SUMO2: variants seen among roughly 807,000 people sequenced by gnomAD.
SUMO2 encodes small ubiquitin-related modifier 2.
Under a neutral mutation model 16.0 loss-of-function variants are expected in SUMO2, and 1 was observed. The observed-to-expected ratio is 0.06, with a 90% CI of 0.02 to 0.30. The LOEUF is 0.30. Among genes scored for constraint, SUMO2 ranks in the 10% least tolerant of loss-of-function variants. The pLI is 1.00. For synonymous variants in SUMO2, 36 were observed against 40.6 expected, an observed-to-expected ratio of 0.89 and a Z score of 0.43; for missense variants, 16 against 117.5, an observed-to-expected ratio of 0.14 and a Z score of 3.99.
At chr17:75,180,948 C>T (rs759006242) in intron 2 of SUMO2, 109 bp downstream of exon 2, 127 of 1,296,314 alleles carry the variant, frequency 9.8e-5, no homozygotes, top group Non-Finnish European at 1.3e-4. Flanking sequence ...AGTGCATATT[C>T]ATCCCATCAA....
intron 2 of SUMO2, among the ~76,000 whole-genome samples, chr17:75,176,046 A>C (rs542867835): frequency 4.8e-4 from 72 of 148,920 alleles, no homozygotes; most frequent in African/African-American, 1.7e-3. Context: ...AAGGAAATGA[A>C]ATTTTTTTTT....
Position 75,182,937 on chromosome 17 carries a change from G to C in SUMO2, c.-103C>G. ...ACCAGGAGCGGCAGAAGAAGGAGGC[G>C]GCAGCGGTGGACGAGGGGAGAGGGT... is the stretch of plus-strand genomic sequence containing the variant. On this transcript the variant is annotated 5_prime_UTR_variant, in exon 1 of 4. Transcript: ENST00000420826. 3.8e-6 allele frequency: 4 copies of C among 1,049,424 alleles called. No individual in the cohort carries two copies. Among genetic ancestry groups the C allele is most frequent in the Non-Finnish European group, 5.0e-6 (4 of 804,686 alleles). 65.0% of individuals were successfully genotyped at this position (1,049,424 alleles called of 1,614,324 possible). A position where few individuals can be genotyped will look rare whatever the true frequency, so the allele number is the denominator to read the frequency against.
chr17:75,174,829 C>A lies in SUMO2; in HGVS notation c.154-6G>T, dbSNP rs140186027. 6.2e-7 allele frequency: 1 copy of A among 1,611,526 alleles called. No individual in the cohort carries two copies. The highest frequency in any genetic ancestry group is 8.5e-7 in the Non-Finnish European group (1 of 1,179,030). On this transcript the variant is annotated splice_region_variant and splice_polypyrimidine_tract_variant and intron_variant, in intron 2 of 3. Coordinates refer to ENST00000420826, the MANE Select transcript of SUMO2 (RefSeq NM_006937.4). The stretch of plus-strand genomic sequence containing the variant: ...ATCTGCCTCATTGACAATCCCTGAA[C>A]GAGAATTTAAAAGCAATAAACAGCA...
chr17:75,175,491 G>C (rs1437778921), intron 2 of SUMO2, among the ~76,000 whole-genome samples: 1 of 148,330 alleles, frequency 6.7e-6, no homozygotes, highest in African/African-American at 2.5e-5. Context: ...GCTAATTTTT[G>C]TATTTTTTAG....
At chr17:75,179,783 G>C (rs1016423779) in intron 2 of SUMO2, among the ~76,000 whole-genome samples, 2 of 151,624 alleles carry the variant, frequency 1.3e-5, no homozygotes, top group African/African-American at 4.8e-5. Context: ...CTCAGCCTCC[G>C]GAGTAGGTGG....
chr17:75,176,407 G>A (rs2145222636), intron 2 of SUMO2, among the ~76,000 whole-genome samples: 1 of 152,216 alleles, frequency 6.6e-6, no homozygotes, highest in South Asian at 2.1e-4. Context: ...TCTGAGGTCT[G>A]GAGTTCAAGA....
intron 2 of SUMO2, among the ~76,000 whole-genome samples, chr17:75,180,782 A>G (rs1271889690): frequency 6.6e-6 from 1 of 152,008 alleles, no homozygotes; most frequent in Non-Finnish European, 1.5e-5. Context: ...TCTTATAAAC[A>G]TAAAATTACA....
chr17:75,175,993 T>C (rs2074779584), intron 2 of SUMO2, among the ~76,000 whole-genome samples: 1 of 151,856 alleles, frequency 6.6e-6, no homozygotes, highest in Non-Finnish European at 1.5e-5. Flanking sequence ...TAATGTTAAA[T>C]AGAACATACC....
chr17:75,170,396 C>T (rs1458730791), intron 3 of SUMO2, among the ~76,000 whole-genome samples: 1 of 151,204 alleles, frequency 6.6e-6, no homozygotes, highest in Non-Finnish European at 1.5e-5. Flanking sequence ...ATGGTGAAAC[C>T]CTGTTTCTAC....
At chr17:75,175,787 C>T (rs1415510001) in intron 2 of SUMO2, among the ~76,000 whole-genome samples, 3 of 151,752 alleles carry the variant, frequency 2.0e-5, no homozygotes, top group Non-Finnish European at 4.4e-5. Flanking sequence ...CGCTTGCCAT[C>T]ATGCCCAGCT....
Position 75,181,093 on chromosome 17 carries a change from T to C in SUMO2, c.117A>G (p.Pro39=). The part of the protein sequence containing the change: ...VVQFKIKRHT[P]LSKLMKAYCE... ...AATAGGCTTTCATTAGTTTACTAAG[T>C]GGTGTATGCCTCTTAATCTTAAACT... The change falls in exon 2 of 4, where the codon CCA becomes CCG. Residue 39 remains proline, a synonymous_variant. Transcript: ENST00000420826. 1.9e-6 allele frequency: 3 copies of C among 1,614,068 alleles called. No homozygotes were observed. The highest frequency in any genetic ancestry group is 2.5e-6 in the Non-Finnish European group (3 of 1,179,958).
Position 75,166,037 on chromosome 17 carries a change from A to C in SUMO2, c.*2302T>G, listed in dbSNP as rs2074690492. ...CAAGACTCCGTCTGAAAAAAAAACA[A>C]AAACAAAAACAAAAACTGTAGTGGT... On this transcript the variant is annotated 3_prime_UTR_variant, in exon 4 of 4. Transcript: ENST00000420826. 3 of 152,856 alleles carry C rather than the reference A, an allele frequency of 2.0e-5. No homozygotes were observed. Among genetic ancestry groups the C allele is most frequent in the African/African-American group, 7.2e-5 (3 of 41,448 alleles). 9.5% of individuals were successfully genotyped at this position (152,856 alleles called of 1,614,324 possible). A position where few individuals can be genotyped will look rare whatever the true frequency, so the allele number is the denominator to read the frequency against.
chr17:75,180,531 G>A (rs944056811), intron 2 of SUMO2, among the ~76,000 whole-genome samples: 4 of 149,876 alleles, frequency 2.7e-5, no homozygotes, highest in African/African-American at 9.8e-5. Context: ...TAGCCAATAC[G>A]GTGAAACCCC....
At position 75,181,217 on chromosome 17, in the gene SUMO2, T is replaced by C. The variant is rs776954062; in HGVS notation, c.22-29A>G. The C allele has an allele frequency of 1.1e-5, 17 of 1,608,586 alleles. No homozygotes were observed. The African/African-American group carries it at 1.7e-4, about 16-fold the overall frequency. On this transcript the variant is annotated intron_variant, in intron 1 of 3. Coordinates refer to ENST00000420826, the MANE Select transcript of SUMO2 (RefSeq NM_006937.4). ...TTAAAAGAAAAATAAAAGTATAATTTGGGAAATGTGATCAACGAACACGTT... is the reference window on the plus strand; with the variant it reads ...TTAAAAGAAAAATAAAAGTATAATTCGGGAAATGTGATCAACGAACACGTT...
At chr17:75,177,233 T>C (rs1333028630) in intron 2 of SUMO2, among the ~76,000 whole-genome samples, 1 of 151,236 alleles carries the variant, frequency 6.6e-6, no homozygotes, top group Non-Finnish European at 1.5e-5. Context: ...CCAGGCTAGG[T>C]GGCAGGCGCT....
chr17:75,172,325 C>CTTCTTTTT lies in SUMO2; in HGVS notation c.225+2426_225+2427insAAAAAGAA, dbSNP rs140644374. On this transcript the variant is annotated intron_variant, in intron 3 of 3. Transcript: ENST00000420826. The stretch of plus-strand genomic sequence containing the variant: ...ACAGTCGTGAGCTACTGTACCCAGA[C>CTTCTTTTT]TTTTTTTTTTTTTTTTTTGAGACAG... 2.7e-5 allele frequency among the ~76,000 whole-genome samples: 3 copies of CTTCTTTTT among 109,418 alleles called. 1 individual carries two copies. The highest frequency in any genetic ancestry group is 5.4e-5 in the Non-Finnish European group (3 of 55,720). The allele number at this position is 109,418 out of a possible 152,430, so 71.8% of individuals were successfully genotyped here. A position where few individuals can be genotyped will look rare whatever the true frequency, so the allele number is the denominator to read the frequency against.
chr17:75,181,009 T>A, intron 2 of SUMO2, 48 bp downstream of exon 2: 1 of 1,605,094 alleles, frequency 6.2e-7, no homozygotes, highest in Non-Finnish European at 8.5e-7. Context: ...AAAATAAGAT[T>A]TTTAAAAATA....
At position 75,174,832 on chromosome 17, in the gene SUMO2, G is replaced by GAA. The variant is rs746083097; in HGVS notation, c.154-11_154-10dup. 1 of 1,610,792 alleles carries GAA rather than the reference G, an allele frequency of 6.2e-7. No individual in the cohort carries two copies. Among genetic ancestry groups the GAA allele is most frequent in the Non-Finnish European group, 8.5e-7 (1 of 1,178,716 alleles). On this transcript the variant is annotated splice_polypyrimidine_tract_variant and intron_variant, in intron 2 of 3. Transcript: ENST00000420826. ...TGCCTCATTGACAATCCCTGAACGA[G>GAA]AATTTAAAAGCAATAAACAGCATTA...
chr17:75,174,669 G>C, intron 3 of SUMO2, 83 bp downstream of exon 3: 1 of 1,288,376 alleles, frequency 7.8e-7, no homozygotes, highest in South Asian at 1.3e-5. Context: ...TTATACTCCA[G>C]TGTCTAAACG....
Sources: gnomAD v4.1 joint callset for allele counts (sites outside exome capture counted in the v4.1 genomes callset) on GRCh38, gnomAD v4.1.1 for gene constraint, MANE v1.5 for transcripts, NCBI Gene and HGNC (gene_info 2026-07-23, HGNC 2026-07-21) for gene names.